CP: variants seen among roughly 807,000 people sequenced by gnomAD.
The protein encoded by CP is caeruloplasmin.
Under a neutral mutation model 122.4 loss-of-function variants are expected in CP, and 64 were observed. The observed-to-expected ratio is 0.52, with a 90% CI of 0.43 to 0.64. The LOEUF (loss-of-function observed/expected upper bound fraction) is 0.64, where lower values mean the gene tolerates loss of function less well. Ranked by LOEUF, CP falls within the 30% of genes least tolerant of loss-of-function variation. The probability of loss-of-function intolerance (pLI) is 0.00; values close to 1 mark genes in which losing one functional copy is unlikely to be tolerated. For missense variants in CP, 1,167 were observed against 1,284.4 expected, an observed-to-expected ratio of 0.91 and a Z score of 1.40; for synonymous variants, 440 against 436.4, an observed-to-expected ratio of 1.01 and a Z score of -0.10.
intron 11 of CP, 195 bp downstream of exon 11, chr3:149,186,325 C>T: frequency 1.6e-6 from 1 of 622,404 alleles, no homozygotes; most frequent in East Asian, 2.8e-5. Flanking sequence ...ACATTGTCCT[C>T]AGTAACTAGG....
chr3:149,202,412 C>A (rs1417876112), intron 6 of CP, among the ~76,000 whole-genome samples, 171 bp from the exon 7 acceptor site: 1 of 152,100 alleles, frequency 6.6e-6, no homozygotes, highest in Non-Finnish European at 1.5e-5. Flanking sequence ...CAGTTCCAGT[C>A]CACTCATAGA....
In CP at chr3:149,209,320, C is replaced by T; in HGVS notation, c.672G>A (p.Val224=). ...DREFVVMFSV[V]DENFSWYLED... ...CTAGGTACCAGCTGAAATTTTCATC[C>T]ACCACAGAAAACATCACCACAAATT... Residue 224 remains valine, a synonymous_variant, in exon 4 of 19, where the codon GTG becomes GTA. Transcript: ENST00000264613. The T allele has an allele frequency of 1.2e-6, 2 of 1,613,712 alleles. No individual in the cohort carries two copies. Among genetic ancestry groups the T allele is most frequent in the South Asian group, 2.2e-5 (2 of 91,054 alleles).
At chr3:149,170,241 T>C (rs1037764247), downstream of CP, among the ~76,000 whole-genome samples, 1 of 152,160 alleles carries the variant, frequency 6.6e-6, no homozygotes, top group African/African-American at 2.4e-5. Flanking sequence ...AAGAGGAGAA[T>C]TGGGAAGTGG....
At chr3:149,189,214 A>C (rs528261734) in intron 9 of CP, among the ~76,000 whole-genome samples, 2 of 152,320 alleles carry the variant, frequency 1.3e-5, no homozygotes, top group South Asian at 4.1e-4. Flanking sequence ...CAAAATTAGT[A>C]ATGGAGATCT....
At chr3:149,178,130 A>C in intron 16 of CP, 151 bp from the exon 17 acceptor site, 1 of 785,588 alleles carries the variant, frequency 1.3e-6, no homozygotes, top group Non-Finnish European at 2.1e-6. Context: ...GATACTTTAA[A>C]GTCAATAATA....
At chr3:149,220,593 T>C (rs1879168) in intron 1 of CP, among the ~76,000 whole-genome samples, 14,874 of 152,092 alleles carry the variant, frequency 0.098, 1,005 homozygotes, top group East Asian at 0.29. Context: ...AATATAATAA[T>C]TGGATATTAG....
intron 1 of CP, 47 bp from the exon 2 acceptor site, chr3:149,212,745 G>A: frequency 6.3e-7 from 1 of 1,596,854 alleles, no homozygotes; most frequent in Non-Finnish European, 8.5e-7. Flanking sequence ...TCATTTCTAG[G>A]GATGACATTA....
At chr3:149,186,817 T>G (rs1306099972) in intron 10 of CP, 85 bp from the exon 11 acceptor site, 8 of 1,275,158 alleles carry the variant, frequency 6.3e-6, no homozygotes, top group Non-Finnish European at 7.9e-6. Flanking sequence ...ACCAACTTTG[T>G]TTTTTTAATT....
At chr3:149,209,136 T>C in intron 4 of CP, 75 bp downstream of exon 4, 3 of 1,570,078 alleles carry the variant, frequency 1.9e-6, no homozygotes. Context: ...CTTATTTATG[T>C]GAGGGAATAA....
chr3:149,184,168 G>C (rs534235489), intron 12 of CP, among the ~76,000 whole-genome samples: 1 of 149,844 alleles, frequency 6.7e-6, no homozygotes, highest in Admixed American at 6.8e-5. Flanking sequence ...CCGAGTAGCT[G>C]GGACTACAAG....
At chr3:149,183,109 C>T (rs34343199) in intron 13 of CP, among the ~76,000 whole-genome samples, 1 of 152,160 alleles carries the variant, frequency 6.6e-6, no homozygotes, top group African/African-American at 2.4e-5. Context: ...TGAAATCACA[C>T]CACTACACAC....
downstream of CP, among the ~76,000 whole-genome samples, chr3:149,167,563 T>A (rs908681779): frequency 3.3e-5 from 5 of 152,196 alleles, no homozygotes; most frequent in South Asian, 1.0e-3. Context: ...ATTAGAAGAA[T>A]TTTGGACCTT....
intron 10 of CP, among the ~76,000 whole-genome samples, chr3:149,187,336 T>A (rs1726242078): frequency 6.6e-6 from 1 of 152,204 alleles, no homozygotes; most frequent in African/African-American, 2.4e-5. Context: ...GTAACACAAC[T>A]TTACATGTTT....
intron 4 of CP, among the ~76,000 whole-genome samples, chr3:149,208,108 T>C (rs370553832): frequency 6.6e-6 from 1 of 152,012 alleles, no homozygotes; most frequent in Non-Finnish European, 1.5e-5. Flanking sequence ...TTTTTAAAGA[T>C]TGCAAGACAA....
At chr3:149,164,415 TGAGGGG>T (rs1724205533) in intron 5 of CP, among the ~76,000 whole-genome samples, 1 of 152,122 alleles carries the variant, frequency 6.6e-6, no homozygotes, top group Admixed American at 6.5e-5. Context: ...TTTTCAGAAA[TGAGGGG>T]GATGATTAGA....
chr3:149,185,588 C>CCA (rs59218764), intron 11 of CP, 142 bp from the exon 12 acceptor site: 19,276 of 756,858 alleles, frequency 0.025, 1,217 homozygotes, highest in African/African-American at 0.2. Context: ...CCTGCTCCAT[C>CCA]CATCCTTTTG....
At chr3:149,213,211 A>T (rs35090057) in intron 1 of CP, among the ~76,000 whole-genome samples, 14,023 of 152,084 alleles carry the variant, frequency 0.092, 1,009 homozygotes, top group East Asian at 0.37. Context: ...TAATTCTTTT[A>T]TATTTCTTTT....
intron 10 of CP, chr3:149,187,829 C>T (rs998830633): frequency 3.0e-5 from 16 of 530,934 alleles, no homozygotes; most frequent in African/African-American, 2.7e-4. Context: ...AGGGACCACA[C>T]TTTAAGGACC....
chr3:149,168,727 A>T (rs35555422), downstream of CP, among the ~76,000 whole-genome samples: 3,137 of 152,242 alleles, frequency 0.021, 51 homozygotes, highest in Middle Eastern at 0.041. Flanking sequence ...GAAAGGGGGA[A>T]CTTTATTCTC....
Sources: allele counts gnomAD v4.1 joint callset (sites outside exome capture counted in the v4.1 genomes callset), GRCh38; gene constraint gnomAD v4.1.1; transcripts MANE v1.5; gene names NCBI Gene and HGNC (gene_info 2026-07-23, HGNC 2026-07-21).